Variants in PDE8B observed in about 807,000 individuals in gnomAD.
The protein encoded by PDE8B is high affinity cAMP-specific and IBMX-insensitive 3',5'-cyclic phosphodiesterase 8B.
Under a neutral mutation model 101.3 loss-of-function variants are expected in PDE8B, and 26 were observed. The ratio of observed to expected loss-of-function variants is 0.26; its 90% confidence interval spans 0.19 to 0.36. The LOEUF is 0.36. Ranked by LOEUF, PDE8B falls within the 10% of genes least tolerant of loss-of-function variation. The probability of loss-of-function intolerance (pLI) is 1.00; values close to 1 mark genes in which losing one functional copy is unlikely to be tolerated. For missense variants in PDE8B, 810 were observed against 1,163.1 expected (o/e 0.70, Z 4.42); for synonymous variants, 424 against 429.3 (o/e 0.99, Z 0.15).
the PDE8B span, among the ~76,000 whole-genome samples, chr5:77,132,563 C>T: frequency 6.6e-6 from 1 of 152,186 alleles, no homozygotes; most frequent in African/African-American, 2.4e-5. Context: ...CCACTGTCTA[C>T]AATAGCATTT....
chr5:77,271,448 G>T (rs973636878), intron 1 of PDE8B, among the ~76,000 whole-genome samples: 3 of 152,242 alleles, frequency 2.0e-5, no homozygotes, highest in Non-Finnish European at 4.4e-5. Flanking sequence ...GGGGATAGGG[G>T]TGTAGATGGG....
the PDE8B span, among the ~76,000 whole-genome samples, chr5:77,110,834 A>G: frequency 2.6e-5 from 4 of 152,208 alleles, no homozygotes; most frequent in East Asian, 7.7e-4. Context: ...ATTTCAGACT[A>G]TACCATTTTC....
intron 2 of PDE8B, among the ~76,000 whole-genome samples, chr5:77,322,623 G>A (rs1775309080): frequency 6.6e-6 from 1 of 152,102 alleles, no homozygotes; most frequent in Non-Finnish European, 1.5e-5. Flanking sequence ...CATAAACTGG[G>A]CTTGCTTTTC....
chr5:77,303,713 C>T (rs1580906299), intron 1 of PDE8B, among the ~76,000 whole-genome samples: 1 of 152,172 alleles, frequency 6.6e-6, no homozygotes, highest in Admixed American at 6.5e-5. Context: ...TTTCTTTGTA[C>T]TGTTATAATA....
intron 1 of PDE8B, among the ~76,000 whole-genome samples, chr5:77,280,986 G>A (rs1764864370): frequency 6.6e-6 from 1 of 152,240 alleles, no homozygotes. Context: ...CCCTGACTGA[G>A]GTGGGCACTT....
chr5:77,323,976 C>CA (rs979518058), intron 2 of PDE8B, among the ~76,000 whole-genome samples: 4 of 151,454 alleles, frequency 2.6e-5, no homozygotes, highest in African/African-American at 4.8e-5. Flanking sequence ...AAACAAACAA[C>CA]AAAAAAAAGT....
intron 1 of PDE8B, chr5:77,291,305 C>T: frequency 1.2e-6 from 2 of 1,612,880 alleles, no homozygotes; most frequent in South Asian, 2.2e-5. Flanking sequence ...CACTCCACAC[C>T]AAGCAGGCAG....
At chr5:77,171,961 G>A in the PDE8B span, among the ~76,000 whole-genome samples, 4 of 152,174 alleles carry the variant, frequency 2.6e-5, no homozygotes. Context: ...TGGAGGGGCA[G>A]ACAGAGCCTA....
chr5:77,119,454 C>G, the PDE8B span: 93,045 of 151,460 alleles, frequency 0.61, 29,420 homozygotes, highest in South Asian at 0.82. Context: ...GTCAGGAGAT[C>G]GAGACCATCC....
At chr5:77,283,764 T>C (rs1042155116) in intron 1 of PDE8B, among the ~76,000 whole-genome samples, 1 of 152,198 alleles carries the variant, frequency 6.6e-6, no homozygotes, top group Non-Finnish European at 1.5e-5. Flanking sequence ...TTTCTCCAAG[T>C]TTGGGCAATT....
chr5:77,140,961 T>A, the PDE8B span: 1 of 152,194 alleles, frequency 6.6e-6, no homozygotes, highest in Non-Finnish European at 1.5e-5. Context: ...TTTGTACTCA[T>A]ATACATGTGT....
chr5:77,340,045 T>A (rs753251777), intron 6 of PDE8B, among the ~76,000 whole-genome samples: 59 of 152,246 alleles, frequency 3.9e-4, no homozygotes, highest in Non-Finnish European at 6.0e-4. Flanking sequence ...TCTCTTCTGA[T>A]GTTCTTACAC....
the PDE8B span, among the ~76,000 whole-genome samples, chr5:77,092,296 C>T: frequency 1.6e-3 from 249 of 152,120 alleles, 1 homozygote; most frequent in African/African-American, 5.7e-3. Context: ...TCAGAAATCT[C>T]TTTCTTGTGT....
chr5:77,200,029 A>T, the PDE8B span, among the ~76,000 whole-genome samples: 1 of 104,392 alleles, frequency 9.6e-6, no homozygotes, highest in Non-Finnish European at 2.1e-5. Flanking sequence ...TCTATATAGT[A>T]AAAAAAAAAA....
At chr5:77,285,612 C>T (rs1206321282) in intron 1 of PDE8B, among the ~76,000 whole-genome samples, 1 of 152,088 alleles carries the variant, frequency 6.6e-6, no homozygotes, top group South Asian at 2.1e-4. Flanking sequence ...CATTTGTTGA[C>T]TCCTTAAATC....
intron 13 of PDE8B, among the ~76,000 whole-genome samples, chr5:77,407,759 G>A (rs1225633246): frequency 1.3e-5 from 2 of 152,154 alleles, no homozygotes; most frequent in Non-Finnish European, 2.9e-5. Context: ...TTACTCAGGA[G>A]AAGAAGGAAG....
At chr5:77,378,049 C>CACA in intron 10 of PDE8B, among the ~76,000 whole-genome samples, 1 of 148,370 alleles carries the variant, frequency 6.7e-6, no homozygotes, top group East Asian at 2.0e-4. Flanking sequence ...CACACACACA[C>CACA]CCCCTGTTGG....
chr5:77,235,433 G>A (rs910301309), intron 1 of PDE8B, among the ~76,000 whole-genome samples: 1 of 152,188 alleles, frequency 6.6e-6, no homozygotes, highest in African/African-American at 2.4e-5. Context: ...TCTGGGACAT[G>A]CTCATGTTTC....
the PDE8B span, among the ~76,000 whole-genome samples, chr5:77,174,827 T>C: frequency 1.3e-5 from 2 of 152,266 alleles, no homozygotes; most frequent in East Asian, 3.9e-4. Context: ...GTAGCATCTA[T>C]ACACTAATGA....
Sources: gnomAD v4.1 joint callset for allele counts (sites outside exome capture counted in the v4.1 genomes callset) on GRCh38, gnomAD v4.1.1 for gene constraint, MANE v1.5 for transcripts, NCBI Gene and HGNC (gene_info 2026-07-23, HGNC 2026-07-21) for gene names.